Variants in HEATR9 observed in about 807,000 individuals in gnomAD.
HEATR9 encodes protein HEATR9.
HEATR9 carries 54 observed loss-of-function variants against 68.2 expected under a neutral mutation model. The ratio of observed to expected loss-of-function variants is 0.79; its 90% CI spans 0.64 to 0.99. HEATR9 has a LOEUF of 0.99. Among genes scored for constraint, HEATR9 ranks in the 50% least tolerant of loss-of-function variants. HEATR9 has a pLI of 0.00. For synonymous variants in HEATR9, 241 were observed against 253.5 expected (o/e 0.95, Z 0.47); for missense variants, 662 against 679.7 (o/e 0.97, Z 0.29).
At position 35,855,223 on chromosome 17, in the gene HEATR9, G is replaced by C; in HGVS notation, c.1553C>G (p.Pro518Arg). The C allele has an allele frequency of 1.2e-6, 2 of 1,614,126 alleles. No homozygotes were observed. Among genetic ancestry groups the C allele is most frequent in the African/African-American group, 1.3e-5 (1 of 75,022 alleles). Residue 518 changes from proline (P) to arginine (R), a missense_variant, in exon 15 of 15, where the codon CCC (proline) becomes CGC (arginine). Transcript: ENST00000604834. The stretch of plus-strand genomic sequence containing the variant: ...GGTGATGGACTTTGCAATAAACAAG[G>C]GGTTCAGCTTTGCAAGTCGAAAGTC... ...IQDFRLAKLN[P>R]LFIAKSITKV...
At chr17:35,856,315 T>C (rs771813502) in intron 12 of HEATR9, 91 bp from the exon 13 acceptor site, 1 of 1,613,712 alleles carries the variant, frequency 6.2e-7, no homozygotes, top group Non-Finnish European at 8.5e-7. Context: ...CAGAGCGAAT[T>C]AGGCAAAGTG....
chr17:35,868,813 A>T lies in HEATR9; in HGVS notation c.-71T>A. 7.4e-7 allele frequency: 1 copy of T among 1,345,426 alleles called. No homozygotes were observed. The highest frequency in any genetic ancestry group is 1.1e-6 in the Non-Finnish European group (1 of 943,786). The allele number at this position is 1,345,426 out of a possible 1,614,324, so 83.3% of individuals were successfully genotyped here. ...AAGGCTTTTAGGGGAGTGGGGGCAC[A>T]GCTGGAGGAGACCTGTCCTCTGTGG... On this transcript the variant is annotated 5_prime_UTR_variant, in exon 1 of 15. Transcript: ENST00000604834.
chr17:35,868,179 G>C (rs1355758276), intron 1 of HEATR9, among the ~76,000 whole-genome samples: 1 of 152,214 alleles, frequency 6.6e-6, no homozygotes, highest in Non-Finnish European at 1.5e-5. Context: ...GTTTCTTAGT[G>C]ATTAACAGAG....
At chr17:35,859,487 C>T (rs982786986) in intron 8 of HEATR9, among the ~76,000 whole-genome samples, 15 of 152,138 alleles carry the variant, frequency 9.9e-5, no homozygotes, top group Non-Finnish European at 1.8e-4. Flanking sequence ...TTCCAGCTCC[C>T]GAGTCCAAGA....
chr17:35,861,497 T>TG, intron 8 of HEATR9: 2 of 1,208,398 alleles, frequency 1.7e-6, no homozygotes, highest in Non-Finnish European at 2.4e-6. Context: ...TTGCAGTCGT[T>TG]GCGGACAAAC....
chr17:35,855,449 G>T, intron 14 of HEATR9, 39 bp from the exon 15 acceptor site: 1 of 1,575,652 alleles, frequency 6.3e-7, no homozygotes, highest in Non-Finnish European at 8.7e-7. Flanking sequence ...GCTCACTTTG[G>T]GTTCAGGCTG....
At position 35,855,490 on chromosome 17, in the gene HEATR9, G is replaced by A. The variant is rs932627282; in HGVS notation, c.1366-80C>T. Reference sequence around the variant, plus strand: ...CTCCAGAGAGGGGGCACCCAAAGTAGGGGGGAATTCTAGCCACAGGGCACT... The same window carrying A: ...CTCCAGAGAGGGGGCACCCAAAGTAAGGGGGAATTCTAGCCACAGGGCACT... On this transcript the variant is annotated intron_variant, in intron 14 of 14. Coordinates refer to ENST00000604834, the MANE Select transcript of HEATR9 (RefSeq NM_152781.4). The A allele has an allele frequency of 1.6e-5, 22 of 1,403,810 alleles. No homozygotes were observed. In the African/African-American group the frequency reaches 3.0e-4, roughly 19 times the overall value. 87.0% of individuals were successfully genotyped at this position (1,403,810 alleles called of 1,614,324 possible). A position where few individuals can be genotyped will look rare whatever the true frequency, so the allele number is the denominator to read the frequency against.
chr17:35,868,447 G>A (rs150641077), intron 1 of HEATR9: 12,132 of 793,754 alleles, frequency 0.015, 150 homozygotes, highest in Non-Finnish European at 0.018. Context: ...ACACACAGGT[G>A]TCCCATCTTA....
intron 8 of HEATR9, chr17:35,861,522 G>T: frequency 1.1e-6 from 1 of 937,842 alleles, no homozygotes; most frequent in Non-Finnish European, 1.7e-6. Flanking sequence ...TGTCATGGCT[G>T]GGGTAGATGG....
intron 8 of HEATR9, chr17:35,861,263 T>G (rs2087980966): frequency 2.0e-6 from 3 of 1,472,440 alleles, no homozygotes; most frequent in Non-Finnish European, 1.9e-6. Flanking sequence ...GCTTGACGTT[T>G]CTGTTTGATC....
chr17:35,861,908 G>T (rs947063139), intron 8 of HEATR9, among the ~76,000 whole-genome samples: 1 of 151,644 alleles, frequency 6.6e-6, no homozygotes, highest in Non-Finnish European at 1.5e-5. Context: ...GCCCAGGCTG[G>T]AGTGCAATGG....
At position 35,862,778 on chromosome 17, in the gene HEATR9, A is replaced by G. The variant is rs180693850; in HGVS notation, c.756+217T>C. ...GTACTGTCTCCATTCTCCATTTTAA[A>G]TACAAACTGCAGCTCTGAAATTTGG... On this transcript the variant is annotated intron_variant, in intron 8 of 14. Transcript: ENST00000604834. Among the ~76,000 whole-genome samples the G allele has an allele frequency of 1.8e-4, 28 of 152,328 alleles. No homozygotes were observed. In the East Asian group the frequency reaches 5.4e-3, roughly 29 times the overall value.
At chr17:35,855,793 G>GA (rs776288487) in intron 13 of HEATR9, 43 bp from the exon 14 acceptor site, 1 of 1,498,512 alleles carries the variant, frequency 6.7e-7, no homozygotes, top group East Asian at 2.3e-5. Flanking sequence ...CCAGCCCCAG[G>GA]AAGACACCTT....
At chr17:35,865,150 T>A in intron 3 of HEATR9, 65 bp downstream of exon 3, 1 of 1,556,264 alleles carries the variant, frequency 6.4e-7, no homozygotes, top group Non-Finnish European at 8.8e-7. Context: ...ACCCCTTCCT[T>A]GCCCTTCCTC....
At chr17:35,855,553 G>A in intron 14 of HEATR9, 111 bp downstream of exon 14, 2 of 1,296,530 alleles carry the variant, frequency 1.5e-6, no homozygotes, top group South Asian at 2.4e-5. Flanking sequence ...CAGTGTCTAA[G>A]GGCTCATGAC....
intron 11 of HEATR9, 77 bp from the exon 12 acceptor site, chr17:35,856,882 T>G (rs2087795150): frequency 1.5e-6 from 2 of 1,314,642 alleles, no homozygotes; most frequent in African/African-American, 1.5e-5. Context: ...AAATCTTTAC[T>G]GAACATTTCC....
chr17:35,866,918 G>C (rs2088215865), intron 1 of HEATR9, 145 bp from the exon 2 acceptor site: 1 of 745,826 alleles, frequency 1.3e-6, no homozygotes. Context: ...GACCAGCCTA[G>C]CCAACATGGT....
intron 8 of HEATR9, 105 bp from the exon 9 acceptor site, chr17:35,859,175 T>C: frequency 2.0e-6 from 2 of 1,006,926 alleles, no homozygotes; most frequent in Non-Finnish European, 1.5e-6. Flanking sequence ...ATCTTGTGCA[T>C]CAGATTATTT....
At chr17:35,860,962 C>T (rs1169993555) in intron 8 of HEATR9, 1 of 487,426 alleles carries the variant, frequency 2.1e-6, no homozygotes, top group Non-Finnish European at 3.8e-6. Context: ...AGGAGAATTG[C>T]TTGAATCCGG....
Sources: allele counts gnomAD v4.1 joint callset (sites outside exome capture counted in the v4.1 genomes callset), GRCh38; gene constraint gnomAD v4.1.1; transcripts MANE v1.5; gene names NCBI Gene and HGNC (gene_info 2026-07-23, HGNC 2026-07-21).